The following EFCAB6 variants were observed in gnomAD, a reference collection of about 807,000 sequenced individuals.
EFCAB6 encodes EF-hand calcium binding domain 6.
A neutral mutation model predicts 169.8 loss-of-function variants in EFCAB6; 156 were observed. That is an observed-to-expected ratio of 0.92 (90% confidence interval 0.81 to 1.05). EFCAB6 has a LOEUF of 1.05. Ranked by LOEUF, EFCAB6 falls within the 50% of genes least tolerant of loss-of-function variation. The pLI is 0.00. For missense variants in EFCAB6, 1,800 were observed against 1,829.1 expected, an observed-to-expected ratio of 0.98 and a Z score of 0.29; for synonymous variants, 698 against 676.4, an observed-to-expected ratio of 1.03 and a Z score of -0.50.
intron 8 of EFCAB6, among the ~76,000 whole-genome samples, chr22:43,726,276 C>CAAAAAAAAAAAAAAAAAAAAAAAAACAA (rs3994547): frequency 1.7e-5 from 1 of 59,356 alleles, no homozygotes; most frequent in African/African-American, 7.3e-5. Flanking sequence ...AAAAATTCAC[C>CAAAAAAAAAAAAAAAAAAAAAAAAACAA]AAAAAAAAAA....
At chr22:43,771,267 C>T (rs1045575090) in intron 4 of EFCAB6, among the ~76,000 whole-genome samples, 9 of 152,000 alleles carry the variant, frequency 5.9e-5, no homozygotes, top group African/African-American at 1.9e-4. Context: ...CCCGTCTCTA[C>T]TAAAAATTTA....
intron 26 of EFCAB6, among the ~76,000 whole-genome samples, chr22:43,563,662 C>CGCT (rs538291036): frequency 2.2e-3 from 334 of 152,302 alleles, no homozygotes; most frequent in Admixed American, 4.0e-3. Flanking sequence ...GAGCCTGCCG[C>CGCT]GCTGCTGCTG....
At chr22:43,629,639 C>A (rs936567971) in intron 19 of EFCAB6, among the ~76,000 whole-genome samples, 4 of 151,960 alleles carry the variant, frequency 2.6e-5, no homozygotes, top group Admixed American at 1.3e-4. Flanking sequence ...CTATGAGGGA[C>A]GTGAGGAGAG....
intron 2 of EFCAB6, among the ~76,000 whole-genome samples, chr22:43,785,003 A>G (rs574894165): frequency 1.3e-5 from 2 of 152,298 alleles, no homozygotes; most frequent in African/African-American, 2.4e-5. Context: ...AAATAAACAT[A>G]TATGCACCTA....
Position 43,580,633 on chromosome 22 carries a change from G to A in EFCAB6, c.3059C>T (p.Ala1020Val). The A allele has an allele frequency of 6.2e-7, 1 of 1,614,056 alleles. No individual in the cohort carries two copies. The highest frequency in any genetic ancestry group is 8.5e-7 in the Non-Finnish European group (1 of 1,180,020). ...TCTCAGGAAGTCGAGGTAATTGATA[G>A]CATTATCATGCCGGCTGACTCCCCA... Reference protein sequence around the residue: ...NSWGVSRHDNAINYLDFLRAV... With the variant: ...NSWGVSRHDNVINYLDFLRAV... Residue 1020 changes from alanine (A) to valine (V), a missense_variant, in exon 25 of 32, where the codon GCT becomes GTT. Coordinates refer to ENST00000262726, the MANE Select transcript of EFCAB6 (RefSeq NM_022785.4).
intron 6 of EFCAB6, among the ~76,000 whole-genome samples, chr22:43,754,365 C>T (rs866147578): frequency 5.3e-5 from 8 of 152,148 alleles, no homozygotes; most frequent in Non-Finnish European, 1.0e-4. Context: ...CAGGTCTGCC[C>T]GGGTCCCGGG....
At chr22:43,620,620 T>C (rs2054052981) in intron 20 of EFCAB6, among the ~76,000 whole-genome samples, 1 of 152,162 alleles carries the variant, frequency 6.6e-6, no homozygotes, top group African/African-American at 2.4e-5. Context: ...AGAAGAATGA[T>C]AGCTGAGAGA....
In EFCAB6 at chr22:43,710,006, C is replaced by T. The variant is rs548196518; in HGVS notation, c.1031+1469G>A. ...TTTTCCATCCCCTTCTCTCATGCCT[C>T]TCCTTTCTAGAGAAACCCCAAGGCA... On this transcript the variant is annotated intron_variant, in intron 10 of 31. Transcript: ENST00000262726. Among the ~76,000 whole-genome samples the T allele has an allele frequency of 8.9e-4, 135 of 152,296 alleles. 1 individual carries two copies. The highest frequency in any genetic ancestry group is 2.6e-3 in the African/African-American group (107 of 41,560).
At chr22:43,611,617 C>T (rs926077046) in intron 21 of EFCAB6, among the ~76,000 whole-genome samples, 6 of 151,864 alleles carry the variant, frequency 4.0e-5, no homozygotes, top group Non-Finnish European at 7.4e-5. Context: ...GGAAACATGG[C>T]GAAACCCTAT....
chr22:43,796,026 AC>A (rs1472956941), intron 2 of EFCAB6, among the ~76,000 whole-genome samples: 2 of 140,910 alleles, frequency 1.4e-5, no homozygotes, highest in Admixed American at 7.2e-5. Context: ...CAGACCACTT[AC>A]CCCCCACAGA....
In EFCAB6 at chr22:43,812,254, A is replaced by G. The variant is rs1057338510; in HGVS notation, c.-231T>C. The G allele has an allele frequency of 4.6e-5, 7 of 152,302 alleles. No homozygotes were observed. Among genetic ancestry groups the G allele is most frequent in the African/African-American group, 1.4e-4 (6 of 41,480 alleles). The allele number at this position is 152,302 out of a possible 1,614,324, so 9.4% of individuals were successfully genotyped here. ...CCGCGGGGTCTCAGAGGGGCTGCCC[A>G]TTCGGCGTCTCTAGGACGCTGTTGC... On this transcript the variant is annotated 5_prime_UTR_variant, in exon 1 of 32. An upstream start codon of the reference 5' UTR is lost. Transcript: ENST00000262726.
At position 43,590,222 on chromosome 22, in the gene EFCAB6, G is replaced by A. The variant is rs990394013; in HGVS notation, c.2884C>T (p.Leu962Phe). 3.4e-5 allele frequency: 55 copies of A among 1,613,346 alleles called. No individual in the cohort carries two copies. The highest frequency in any genetic ancestry group is 4.7e-5 in the Non-Finnish European group (55 of 1,179,778). ...TEKAVAARDK[L>F]MDRHQDISKA... is the part of the protein sequence containing the mutation. ...CTGATATCTTGATGGCGGTCCATAAGCTTATCCCTGAAAGAGAGTACATTG... is the reference window on the plus strand; with the variant it reads ...CTGATATCTTGATGGCGGTCCATAAACTTATCCCTGAAAGAGAGTACATTG... Residue 962 changes from leucine (L) to phenylalanine (F), a missense_variant, in exon 24 of 32, where the codon CTT becomes TTT. Physicochemically the swap from Leu to Phe is conservative, Grantham distance 22 (BLOSUM62 0). Coordinates refer to ENST00000262726, the MANE Select transcript of EFCAB6 (RefSeq NM_022785.4).
Position 43,672,168 on chromosome 22 carries a change from T to C in EFCAB6, c.1480-35A>G, listed in dbSNP as rs1215481553. ...AAAAACAAACATATTTCCTAAGCCA[T>C]ACATCTGTAACCTCTTGTAACAGTA... On this transcript the variant is annotated intron_variant, in intron 14 of 31. Transcript: ENST00000262726. 5.0e-6 allele frequency: 8 copies of C among 1,613,462 alleles called. No homozygotes were observed. The Admixed American group carries it at 5.0e-5, about 10-fold the overall frequency.
At chr22:43,627,044 A>G (rs2054578140) in intron 19 of EFCAB6, among the ~76,000 whole-genome samples, 1 of 152,162 alleles carries the variant, frequency 6.6e-6, no homozygotes, top group African/African-American at 2.4e-5. Flanking sequence ...GCAATTTTTT[A>G]TATCACTTTC....
At chr22:43,644,492 C>A (rs1240023623) in intron 17 of EFCAB6, among the ~76,000 whole-genome samples, 3 of 152,192 alleles carry the variant, frequency 2.0e-5, no homozygotes, top group Admixed American at 2.0e-4. Flanking sequence ...TAGGCTAAAT[C>A]TTCTCTCTGA....
At chr22:43,622,139 T>C (rs980971119) in intron 20 of EFCAB6, among the ~76,000 whole-genome samples, 1 of 152,004 alleles carries the variant, frequency 6.6e-6, no homozygotes, top group Non-Finnish European at 1.5e-5. Flanking sequence ...ATCCAGAAAA[T>C]AGAATAGAAA....
chr22:43,567,265 C>A (rs2049507467), intron 26 of EFCAB6, among the ~76,000 whole-genome samples: 1 of 152,132 alleles, frequency 6.6e-6, no homozygotes, highest in Non-Finnish European at 1.5e-5. Flanking sequence ...CCTCCAGTAG[C>A]ATGGAATTGC....
intron 8 of EFCAB6, among the ~76,000 whole-genome samples, chr22:43,719,554 TG>T (rs2147468001): frequency 6.6e-6 from 1 of 152,316 alleles, no homozygotes; most frequent in South Asian, 2.1e-4. Context: ...TGCAAATATA[TG>T]AACTAGCGAC....
At chr22:43,686,456 T>C (rs1444857635) in intron 11 of EFCAB6, among the ~76,000 whole-genome samples, 1 of 152,208 alleles carries the variant, frequency 6.6e-6, no homozygotes, top group Admixed American at 6.5e-5. Flanking sequence ...AGATATCTCC[T>C]GGGAGGAAAA....
Sources: gnomAD v4.1 joint callset for allele counts (sites outside exome capture counted in the v4.1 genomes callset) on GRCh38, gnomAD v4.1.1 for gene constraint, MANE v1.5 for transcripts, NCBI Gene and HGNC (gene_info 2026-07-23, HGNC 2026-07-21) for gene names.